Variants in MPP2 observed in about 807,000 individuals in gnomAD.
MPP2 encodes the protein MAGUK p55 subfamily member 2.
Under a neutral mutation model 58.5 loss-of-function variants are expected in MPP2, and 42 were observed. That is an observed-to-expected ratio of 0.72 (90% CI 0.56 to 0.93). The LOEUF (loss-of-function observed/expected upper bound fraction) is 0.93. Among genes scored for constraint, MPP2 ranks in the 40% least tolerant of loss-of-function variants. The pLI is 0.00. For missense variants in MPP2, 632 were observed against 760.4 expected, an observed-to-expected ratio of 0.83 and a Z score of 1.99; for synonymous variants, 300 against 307.8, an observed-to-expected ratio of 0.97 and a Z score of 0.26.
Position 43,882,957 on chromosome 17 carries a change from T to C in MPP2, c.399A>G (p.Val133=). The change falls in exon 5 of 13, where the codon GTA becomes GTG. Residue 133 remains valine (V), a synonymous_variant. Coordinates refer to ENST00000269095, the MANE Select transcript of MPP2 (RefSeq NM_005374.5). The stretch of plus-strand genomic sequence containing the variant: ...CCACCATGCGCACAGCATCGGGAGG[T>C]ACAGGCTGGTTGCTGAATGTAGGGT... ...GLDPTFSNQP[V]PPDAVRMVGI... is the part of the protein sequence containing the mutation. 1 of 1,613,964 alleles carries C rather than the reference T, an allele frequency of 6.2e-7. No homozygotes were observed. Among genetic ancestry groups the C allele is most frequent in the South Asian group, 1.1e-5 (1 of 91,066 alleles).
chr17:43,901,571 C>A lies in MPP2; in HGVS notation c.31+2859G>T, dbSNP rs183275970. On this transcript the variant is annotated intron_variant, in intron 2 of 12. Coordinates refer to ENST00000269095, the MANE Select transcript of MPP2 (RefSeq NM_005374.5). ...AGGAGTGGCACCAGGTCGCATTGCA[C>A]CCCTGGTTGCCATGACAGTAGAATT... is the stretch of plus-strand genomic sequence containing the variant. 5.1e-6 allele frequency: 5 copies of A among 985,380 alleles called. No homozygotes were observed. The Admixed American group carries it at 2.5e-4, about 48-fold the overall frequency. 61.0% of individuals were successfully genotyped at this position (985,380 alleles called of 1,614,324 possible).
upstream of MPP2, among the ~76,000 whole-genome samples, chr17:43,909,173 TCTC>T (rs376795499): frequency 1.5e-3 from 230 of 152,206 alleles, no homozygotes; most frequent in African/African-American, 5.3e-3. Flanking sequence ...TTCAAGCAAT[TCTC>T]CTGCCTCAGC....
intron 1 of MPP2, among the ~76,000 whole-genome samples, chr17:43,906,782 G>A (rs775783482): frequency 1.3e-5 from 2 of 152,036 alleles, no homozygotes; most frequent in South Asian, 2.1e-4. Context: ...GGCTCTCTAC[G>A]TGCGCGCCCG....
chr17:43,883,377 G>A (rs551816776), intron 3 of MPP2, 22 bp from the exon 4 acceptor site: 28 of 1,605,514 alleles, frequency 1.7e-5, no homozygotes, highest in Non-Finnish European at 2.3e-5. Flanking sequence ...AGCAGAACAG[G>A]TGGGGCTAGG....
In MPP2 at chr17:43,884,660, C is replaced by T. The variant is rs9891454; in HGVS notation, c.151-1305G>A. Among the ~76,000 whole-genome samples the T allele has an allele frequency of 8.7e-3, 1,318 of 152,304 alleles. 15 individuals are homozygous for T. The highest frequency in any genetic ancestry group is 0.029 in the African/African-American group (1,217 of 41,550). Reference sequence around the variant, plus strand: ...TGATCTTGTGTCTTTGTGTCTTTCCCATACTTTGAGACTATGTGACTATTC... The same window carrying T: ...TGATCTTGTGTCTTTGTGTCTTTCCTATACTTTGAGACTATGTGACTATTC... On this transcript the variant is annotated intron_variant, in intron 3 of 12. Transcript: ENST00000269095.
chr17:43,880,056 C>A lies in MPP2; in HGVS notation c.1151-72G>T. On this transcript the variant is annotated intron_variant, in intron 10 of 12. Transcript: ENST00000269095. This position sits in a 1 kb window ranked among gnomAD's most constrained non-coding sequence, Gnocchi z 5.2. Reference sequence around the variant, plus strand: ...CAGTGCCTCAGACACATATATGCACCCCTACCCAGGCCCCCGTTTCCCAGC... The same window carrying A: ...CAGTGCCTCAGACACATATATGCACACCTACCCAGGCCCCCGTTTCCCAGC... The A allele has an allele frequency of 1.4e-6, 2 of 1,452,200 alleles. No homozygotes were observed. Among genetic ancestry groups the A allele is most frequent in the Non-Finnish European group, 1.9e-6 (2 of 1,045,146 alleles). 90.0% of individuals were successfully genotyped at this position (1,452,200 alleles called of 1,614,324 possible).
chr17:43,898,458 A>G, intron 2 of MPP2, 78 bp from the exon 3 acceptor site: 3 of 918,898 alleles, frequency 3.3e-6, no homozygotes, highest in East Asian at 2.6e-5. Flanking sequence ...AATACTTGCC[A>G]CTTCCCCACC....
chr17:43,901,151 C>T (rs2048081656), intron 2 of MPP2: 1 of 560,312 alleles, frequency 1.8e-6, no homozygotes, highest in Non-Finnish European at 2.3e-6. Flanking sequence ...GAGGCAGCCT[C>T]ACTTGGGCAT....
rs757103925 is a variant in MPP2 at position 43,881,519 on chromosome 17, A to G, written c.752T>C (p.Leu251Pro). 1 of 1,614,010 alleles carries G rather than the reference A, an allele frequency of 6.2e-7. No homozygotes were observed. Reference protein sequence around the residue: ...DSLIPCKEAGLRFNAGDLLQI... With the variant: ...DSLIPCKEAGPRFNAGDLLQI... Reference sequence around the variant, plus strand: ...GAGCAAGTCCCCGGCGTTGAAGCGCAGGCCTGCTTCCTTGCAGGGGATGAG... The same window carrying G: ...GAGCAAGTCCCCGGCGTTGAAGCGCGGGCCTGCTTCCTTGCAGGGGATGAG... The change falls in exon 7 of 13, where the codon CTG becomes CCG. Residue 251 changes from leucine (L) to proline (P), a missense_variant. Leu to Pro is a moderately conservative substitution (Grantham distance 98). Coordinates refer to ENST00000269095, the MANE Select transcript of MPP2 (RefSeq NM_005374.5).
At chr17:43,891,376 C>T (rs1178375324) in intron 3 of MPP2, among the ~76,000 whole-genome samples, 5 of 151,510 alleles carry the variant, frequency 3.3e-5, no homozygotes, top group Non-Finnish European at 7.4e-5. Flanking sequence ...ACAAATTAGC[C>T]GGGGATGGTG....
rs757662744 is a variant in MPP2, at chr17:43,881,120, G to T, written c.958C>A (p.Arg320=). The T allele has an allele frequency of 6.2e-7, 1 of 1,613,904 alleles. No individual in the cohort carries two copies. Among genetic ancestry groups the T allele is most frequent in the South Asian group, 1.1e-5 (1 of 91,052 alleles). The change falls in exon 9 of 13, where the codon CGA becomes AGA. Residue 320 remains arginine (R), a synonymous_variant. Transcript: ENST00000269095. ...CGSLSGKKKK[R]MMYLTTKNAE... ...TTCTTGGTGGTCAAATACATCATTC[G>T]CTTCTTTTTCTTTCCTGAAAGGCTG...
At chr17:43,898,516 T>TTCCCCTCCCG in intron 2 of MPP2, 136 bp from the exon 3 acceptor site, 4 of 56,428 alleles carry the variant, frequency 7.1e-5, no homozygotes, top group Non-Finnish European at 1.1e-4. Flanking sequence ...TTCCCCTCCC[T>TTCCCCTCCCG]GCCCAGCACA....
chr17:43,904,642 AC>A (rs1451701532), intron 1 of MPP2, 149 bp from the exon 2 acceptor site: 1 of 625,794 alleles, frequency 1.6e-6, no homozygotes, highest in Non-Finnish European at 2.8e-6. Context: ...AATGATTCCA[AC>A]GGTCCTGGGA....
rs755393365 is a variant in MPP2, at chr17:43,880,721, C to T, written c.1120G>A (p.Asp374Asn). ...RSLKNKLIMWDPDRYGTTVPY... is the reference protein window; with the variant it reads ...RSLKNKLIMWNPDRYGTTVPY... The stretch of plus-strand genomic sequence containing the variant: ...ACCGTGGTGCCATAGCGATCTGGAT[C>T]CCACATGATGAGCTTGTTCTTCAGG... The change falls in exon 10 of 13, where the codon GAT becomes AAT. Residue 374 changes from aspartate to asparagine, a missense_variant. Asp to Asn is a conservative substitution (Grantham distance 23). Transcript: ENST00000269095. The surrounding 1 kb of genome is among the most constrained non-coding windows in gnomAD (Gnocchi z 5.2). 2 of 1,613,168 alleles carry T rather than the reference C, an allele frequency of 1.2e-6. No homozygotes were observed. Among genetic ancestry groups the T allele is most frequent in the Non-Finnish European group, 1.7e-6 (2 of 1,179,456 alleles).
Position 43,882,443 on chromosome 17 carries a change from A to AGCCACCAT in MPP2, c.514_521dup (p.Gln175TrpfsTer17). On this transcript the variant is annotated frameshift_variant, in exon 6 of 13. Transcript: ENST00000269095. LOFTEE classifies it high-confidence loss of function. The stretch of plus-strand genomic sequence containing the variant: ...CACCCACATGCAGCAGGCCTTGTTG[A>AGCCACCAT]GCCACCATGCCCCCATGCAGAATGC... The AGCCACCAT allele has an allele frequency of 6.2e-7, 1 of 1,608,924 alleles. No individual in the cohort carries two copies. Among genetic ancestry groups the AGCCACCAT allele is most frequent in the South Asian group, 1.1e-5 (1 of 91,078 alleles).
chr17:43,881,615 C>T (rs1379573332), intron 6 of MPP2, 26 bp from the exon 7 acceptor site: 7 of 1,596,538 alleles, frequency 4.4e-6, no homozygotes, highest in South Asian at 2.2e-5. Context: ...AGCAAAGGGT[C>T]GGGGGAAGGG....
intron 3 of MPP2, among the ~76,000 whole-genome samples, chr17:43,895,339 T>C (rs2047800564): frequency 6.6e-6 from 1 of 152,184 alleles, no homozygotes; most frequent in Non-Finnish European, 1.5e-5. Context: ...CTTGAAATCC[T>C]GAGCTCAAAT....
chr17:43,879,328 G>C lies in MPP2; in HGVS notation c.1429C>G (p.Arg477Gly). The C allele has an allele frequency of 6.2e-7, 1 of 1,614,102 alleles. No homozygotes were observed. The change falls in exon 12 of 13, where the codon CGG (arginine) becomes GGG (glycine). Residue 477 changes from arginine (R) to glycine (G), a missense_variant. Physicochemically the swap from Arg to Gly is moderately radical, Grantham distance 125. Transcript: ENST00000269095. This position sits in a 1 kb window ranked among gnomAD's most constrained non-coding sequence, Gnocchi z 4.1. Reference sequence around the variant, plus strand: ...TCCAGCGCAGCCCTGTTCATGGCCCGCAGGGTCTCGAAGTCTGGGGCCTCG... The same window carrying C: ...TCCAGCGCAGCCCTGTTCATGGCCCCCAGGGTCTCGAAGTCTGGGGCCTCG... ...FIEAPDFETLRAMNRAALESG... is the reference protein window; with the variant it reads ...FIEAPDFETLGAMNRAALESG...
chr17:43,891,817 T>C (rs1264374336), intron 3 of MPP2, among the ~76,000 whole-genome samples: 1 of 152,206 alleles, frequency 6.6e-6, no homozygotes, highest in Admixed American at 6.5e-5. Context: ...TTGACAGATA[T>C]ACCAAACTCA....
Sources: allele counts gnomAD v4.1 joint callset (sites outside exome capture counted in the v4.1 genomes callset), GRCh38; gene constraint gnomAD v4.1.1; non-coding constraint Gnocchi (gnomAD v3.1); transcripts MANE v1.5; gene names NCBI Gene and HGNC (gene_info 2026-07-23, HGNC 2026-07-21).